The following HHAT variants were observed in gnomAD, a reference collection of about 807,000 sequenced individuals.
The protein encoded by HHAT is hedgehog acyltransferase, also known as protein-cysteine N-palmitoyltransferase HHAT.
HHAT carries 47 observed loss-of-function variants against 70.8 expected under a neutral mutation model. The ratio of observed to expected loss-of-function variants is 0.66; its 90% CI spans 0.53 to 0.85. HHAT has a LOEUF of 0.85. Among genes scored for constraint, HHAT ranks in the 40% least tolerant of loss-of-function variants. The pLI, the probability that HHAT is intolerant of heterozygous loss-of-function variation, is 0.00. For synonymous variants in HHAT, 228 were observed against 247.6 expected (o/e 0.92, Z 0.74); for missense variants, 609 against 604.8 (o/e 1.01, Z -0.07).
intron 7 of HHAT, among the ~76,000 whole-genome samples, chr1:210,456,901 T>A (rs1014447048): frequency 6.6e-6 from 1 of 152,172 alleles, no homozygotes; most frequent in African/African-American, 2.4e-5. Context: ...CACACGCTGC[T>A]CTTCCTTCTG....
intron 9 of HHAT, among the ~76,000 whole-genome samples, chr1:210,531,161 A>T (rs2095310702): frequency 6.6e-6 from 1 of 152,228 alleles, no homozygotes; most frequent in Non-Finnish European, 1.5e-5. Context: ...TGATGTAGGT[A>T]CTCATCTATC....
intron 1 of HHAT, among the ~76,000 whole-genome samples, chr1:210,334,171 G>C (rs1358684076): frequency 2.9e-5 from 2 of 68,614 alleles, no homozygotes; most frequent in Non-Finnish European, 6.0e-5. Context: ...GGCCACTTTA[G>C]CGTGTCATTT....
chr1:210,426,352 C>A (rs1183175950), intron 7 of HHAT, among the ~76,000 whole-genome samples: 3 of 152,114 alleles, frequency 2.0e-5, no homozygotes, highest in African/African-American at 7.2e-5. Flanking sequence ...TGCCTGATTG[C>A]CCCAGCCAGA....
At chr1:210,529,148 A>G (rs2095284990) in intron 9 of HHAT, among the ~76,000 whole-genome samples, 1 of 151,958 alleles carries the variant, frequency 6.6e-6, no homozygotes, top group South Asian at 2.1e-4. Context: ...CTACTGAAAA[A>G]ACAAAAATTA....
chr1:210,387,830 G>C (rs78836804), intron 4 of HHAT, among the ~76,000 whole-genome samples: 5,984 of 152,274 alleles, frequency 0.039, 405 homozygotes, highest in African/African-American at 0.14. Flanking sequence ...ATGGAGGGTG[G>C]TGGTGGTCTT....
At chr1:210,571,325 G>A (rs1004938252) in intron 9 of HHAT, among the ~76,000 whole-genome samples, 5 of 152,276 alleles carry the variant, frequency 3.3e-5, no homozygotes, top group Admixed American at 2.6e-4. Context: ...ACAGGCATGC[G>A]GGCGCTTGGA....
chr1:210,374,050 A>C (rs1420069940), intron 3 of HHAT: 4 of 152,024 alleles, frequency 2.6e-5, no homozygotes, highest in Non-Finnish European at 4.4e-5. Flanking sequence ...TGTCTTTGCA[A>C]GTTCTGTTAC....
intron 7 of HHAT, among the ~76,000 whole-genome samples, chr1:210,422,572 A>G (rs1480079710): frequency 6.6e-6 from 1 of 152,244 alleles, no homozygotes; most frequent in East Asian, 1.9e-4. Flanking sequence ...TGTTGCCTCA[A>G]ACAACAAAAT....
chr1:210,359,409 C>G (rs1391705235), intron 2 of HHAT, among the ~76,000 whole-genome samples: 2 of 152,188 alleles, frequency 1.3e-5, no homozygotes, highest in East Asian at 3.8e-4. Flanking sequence ...GGGAGAACAT[C>G]ACTATTGTAA....
intron 10 of HHAT, among the ~76,000 whole-genome samples, chr1:210,600,164 GAAATGA>G (rs2148818040): frequency 6.6e-6 from 1 of 152,236 alleles, no homozygotes; most frequent in South Asian, 2.1e-4. Context: ...TATCACAGTT[GAAATGA>G]AATTTTTGAC....
At chr1:210,616,698 A>G (rs1667819134) in intron 10 of HHAT, among the ~76,000 whole-genome samples, 3 of 151,598 alleles carry the variant, frequency 2.0e-5, no homozygotes, top group Non-Finnish European at 4.4e-5. Flanking sequence ...GAAGTTGTGT[A>G]ATGTAGTAGG....
rs971329679 is a variant in HHAT, at chr1:210,513,096, C to G, written c.1008-57C>G. On this transcript the variant is annotated intron_variant, in intron 8 of 11. Transcript: ENST00000261458. ...TAAATTATAAATATAGTTGTCTAGT[C>G]TACCATTACTATAAATATCTTTTAT... The G allele has an allele frequency of 7.0e-6, 7 of 998,516 alleles. No individual in the cohort carries two copies. In the African/African-American group the frequency reaches 1.1e-4, roughly 16 times the overall value. The allele number at this position is 998,516 out of a possible 1,614,324, so 61.9% of individuals were successfully genotyped here. A position where few individuals can be genotyped will look rare whatever the true frequency, so the allele number is the denominator to read the frequency against.
chr1:210,479,204 A>T (rs1303310372), intron 8 of HHAT, among the ~76,000 whole-genome samples: 2 of 152,204 alleles, frequency 1.3e-5, no homozygotes, highest in African/African-American at 4.8e-5. Flanking sequence ...TCGCTTACAG[A>T]CTATTTAGAC....
intron 9 of HHAT, among the ~76,000 whole-genome samples, chr1:210,519,717 A>C (rs563865101): frequency 6.6e-6 from 1 of 151,680 alleles, no homozygotes; most frequent in East Asian, 1.9e-4. Context: ...TGGTAGAGAC[A>C]AGGTCCTACT....
At chr1:210,583,936 C>T (rs1659813314) in intron 9 of HHAT, among the ~76,000 whole-genome samples, 1 of 142,972 alleles carries the variant, frequency 7.0e-6, no homozygotes, top group African/African-American at 2.6e-5. Context: ...CTGACATATA[C>T]AGTGCAGCTA....
At chr1:210,362,778 C>T in intron 2 of HHAT, 74 bp from the exon 3 acceptor site, 1 of 1,216,254 alleles carries the variant, frequency 8.2e-7, no homozygotes, top group Non-Finnish European at 1.2e-6. Context: ...CCAATTCTTT[C>T]AGTGCTTCAG....
intron 7 of HHAT, among the ~76,000 whole-genome samples, chr1:210,422,254 G>C (rs950593488): frequency 6.6e-6 from 1 of 152,112 alleles, no homozygotes; most frequent in Non-Finnish European, 1.5e-5. Flanking sequence ...ATCACAAATA[G>C]TTATCATTTC....
chr1:210,388,133 T>A (rs1432409309), intron 4 of HHAT, among the ~76,000 whole-genome samples: 1 of 152,200 alleles, frequency 6.6e-6, no homozygotes, highest in Non-Finnish European at 1.5e-5. Flanking sequence ...AGGGACCTGA[T>A]ATACTGCCAG....
chr1:210,492,467 A>G (rs1443467323), intron 8 of HHAT, among the ~76,000 whole-genome samples: 1 of 152,180 alleles, frequency 6.6e-6, no homozygotes, highest in Non-Finnish European at 1.5e-5. Context: ...GGAGGCATGG[A>G]TGAGTGAAGG....
Sources: allele counts gnomAD v4.1 joint callset (sites outside exome capture counted in the v4.1 genomes callset), GRCh38; gene constraint gnomAD v4.1.1; transcripts MANE v1.5; gene names NCBI Gene and HGNC (gene_info 2026-07-23, HGNC 2026-07-21).